Variants in ATP7A observed in about 807,000 individuals in gnomAD.
The protein encoded by ATP7A is copper-transporting ATPase 1.
A neutral mutation model predicts 83.5 loss-of-function variants in ATP7A; 7 were observed. That is an observed-to-expected ratio of 0.08 (90% CI 0.05 to 0.16). The LOEUF (loss-of-function observed/expected upper bound fraction) is 0.16. Among genes scored for constraint, ATP7A ranks in the 10% least tolerant of loss-of-function variants. ATP7A has a pLI of 1.00. For missense variants in ATP7A, 940 were observed against 1,120.8 expected (o/e 0.84, Z 2.30); for synonymous variants, 354 against 395.2 (o/e 0.90, Z 1.24).
chrX:77,966,915 C>A, intron 1 of ATP7A: 2 of 300,686 alleles, frequency 6.7e-6, no homozygotes, highest in South Asian at 3.0e-5. Flanking sequence ...CCCTCACCCC[C>A]CAGCAGGCTC....
rs1557238672 is a variant in ATP7A, at chrX:78,043,322, T to C, written c.4011T>C (p.Asp1337=). The C allele has an allele frequency of 1.7e-6, 2 of 1,182,200 alleles. No individual in the cohort carries two copies. Among genetic ancestry groups the C allele is most frequent in the Non-Finnish European group, 2.3e-6 (2 of 869,924 alleles). Residue 1337 remains aspartate (D), a synonymous_variant, in exon 21 of 23, where the codon GAT becomes GAC. Coordinates refer to ENST00000341514, the MANE Select transcript of ATP7A (RefSeq NM_000052.7). ...EAADVVLIRN[D]LLDVVASIDL... ...ACAAATATTTCTGTTCTTAGAATGA[T>C]CTTCTGGATGTAGTGGCAAGTATTG...
intron 1 of ATP7A, chrX:77,969,527 C>T (rs782767287): frequency 1.8e-5 from 22 of 1,211,374 alleles, no homozygotes; most frequent in Non-Finnish European, 2.5e-5. Context: ...CCGCGCTTCG[C>T]CTCCTCGTGG....
chrX:77,918,182 T>C (rs1362680256), intron 1 of ATP7A, among the ~76,000 whole-genome samples: 5 of 108,953 alleles, frequency 4.6e-5, no homozygotes, highest in African/African-American at 1.3e-4. Flanking sequence ...TCCTCCTACT[T>C]CAGCATTCCA....
At chrX:77,976,725 A>G (rs2077578520) in intron 2 of ATP7A, among the ~76,000 whole-genome samples, 1 of 112,517 alleles carries the variant, frequency 8.9e-6, no homozygotes, top group Admixed American at 9.5e-5. Flanking sequence ...TGTTGACTCT[A>G]CACTCTGATT....
chrX:77,925,506 T>C (rs1354692942), intron 1 of ATP7A, among the ~76,000 whole-genome samples: 2 of 111,391 alleles, frequency 1.8e-5, no homozygotes, highest in Non-Finnish European at 3.8e-5. Context: ...ACTTCATCTC[T>C]GTGGGAGTCA....
intron 1 of ATP7A, among the ~76,000 whole-genome samples, chrX:77,960,341 C>T (rs2077468069): frequency 8.9e-6 from 1 of 112,408 alleles, no homozygotes; most frequent in South Asian, 3.6e-4. Context: ...GAGACTGCTC[C>T]ACTGCACTCC....
chrX:78,041,791 A>G (rs1367026934), intron 19 of ATP7A, among the ~76,000 whole-genome samples: 1 of 110,911 alleles, frequency 9.0e-6, no homozygotes, highest in Non-Finnish European at 1.9e-5. Context: ...TTTACGTAAC[A>G]GTATACTTTG....
intron 1 of ATP7A, among the ~76,000 whole-genome samples, chrX:77,949,087 C>A (rs2149059522): frequency 9.0e-6 from 1 of 110,773 alleles, no homozygotes; most frequent in African/African-American, 3.3e-5. Context: ...AGACAGGGTT[C>A]ACCGTGTTGC....
chrX:77,931,116 A>C (rs1309437396), intron 1 of ATP7A, among the ~76,000 whole-genome samples: 3 of 106,893 alleles, frequency 2.8e-5, no homozygotes, highest in Non-Finnish European at 5.8e-5. Context: ...GCAGATAAGC[A>C]AGTGAACAAA....
rs781792669 is a variant in ATP7A, at chrX:78,046,381, T to C, written c.4314T>C (p.Val1438=). The C allele has an allele frequency of 8.3e-7, 1 of 1,209,513 alleles. No individual in the cohort carries two copies. Residue 1438 remains valine (V), a synonymous_variant, in exon 23 of 23, where the codon GTT becomes GTC. Coordinates refer to ENST00000341514, the MANE Select transcript of ATP7A (RefSeq NM_000052.7). ...QKSPSEISVH[V]GIDDTSRNSP... ...GTCCTTCAGAAATCAGCGTTCATGTTGGAATAGATGATACCTCAAGGAATT... is the reference window on the plus strand; with the variant it reads ...GTCCTTCAGAAATCAGCGTTCATGTCGGAATAGATGATACCTCAAGGAATT...
At chrX:78,011,291 C>T (rs1557234433) in intron 8 of ATP7A, 39 bp downstream of exon 8, 2 of 1,156,944 alleles carry the variant, frequency 1.7e-6, no homozygotes, top group Non-Finnish European at 2.4e-6. Context: ...CAGATTTTGA[C>T]TCCTTATTAC....
chrX:77,976,199 A>T (rs2077576134), intron 2 of ATP7A, among the ~76,000 whole-genome samples: 1 of 112,236 alleles, frequency 8.9e-6, no homozygotes, highest in South Asian at 3.7e-4. Context: ...GACAAGATGG[A>T]TTCTTTCTAA....
chrX:78,008,811 G>A (rs782500595), intron 6 of ATP7A, among the ~76,000 whole-genome samples: 3 of 109,595 alleles, frequency 2.7e-5, no homozygotes, highest in South Asian at 4.0e-4. Flanking sequence ...TCAGGAGTTC[G>A]AGACCAGCCT....
intron 17 of ATP7A, among the ~76,000 whole-genome samples, chrX:78,037,643 T>G (rs1258777213): frequency 9.0e-6 from 1 of 111,621 alleles, no homozygotes; most frequent in Non-Finnish European, 1.9e-5. Flanking sequence ...AATTAGGAGG[T>G]AACCCCTAAG....
chrX:77,996,744 C>T (rs1264186475), intron 4 of ATP7A, among the ~76,000 whole-genome samples: 3 of 108,855 alleles, frequency 2.8e-5, no homozygotes, highest in African/African-American at 6.7e-5. Context: ...AACGAAATTG[C>T]TCTGGAACAA....
At chrX:77,986,183 C>A (rs782361031) in intron 2 of ATP7A, among the ~76,000 whole-genome samples, 17 of 111,608 alleles carry the variant, frequency 1.5e-4, no homozygotes, top group African/African-American at 5.2e-4. Flanking sequence ...CCCTAAGAAC[C>A]AGCTAGCCAA....
intron 7 of ATP7A, among the ~76,000 whole-genome samples, chrX:78,010,868 C>T (rs1206788263): frequency 9.0e-6 from 1 of 110,554 alleles, no homozygotes; most frequent in Admixed American, 9.7e-5. Context: ...CATGAGCCAC[C>T]GTGCCCGGCC....
Position 77,921,122 on chromosome X carries a change from C to T in ATP7A, c.-22+10287C>T, listed in dbSNP as rs149076851. On this transcript the variant is annotated intron_variant, in intron 1 of 22. Coordinates refer to ENST00000341514, the MANE Select transcript of ATP7A (RefSeq NM_000052.7). ...ACGTTTTAACTGGTCCTCCTAACTCCAGGCTTTGCCCTATCAAATTTGTCC... is the reference window on the plus strand; with the variant it reads ...ACGTTTTAACTGGTCCTCCTAACTCTAGGCTTTGCCCTATCAAATTTGTCC... 7.2e-3 allele frequency among the ~76,000 whole-genome samples: 809 copies of T among 111,779 alleles called. 6 individuals carry two copies. Among genetic ancestry groups the T allele is most frequent in the Non-Finnish European group, 0.012 (641 of 53,170 alleles).
chrX:77,916,646 A>G (rs1438602985), intron 1 of ATP7A, among the ~76,000 whole-genome samples: 1 of 111,511 alleles, frequency 9.0e-6, no homozygotes, highest in Non-Finnish European at 1.9e-5. Flanking sequence ...GTTGTGATAC[A>G]GTGTAAGCAA....
Sources: allele counts gnomAD v4.1 joint callset (sites outside exome capture counted in the v4.1 genomes callset), GRCh38; gene constraint gnomAD v4.1.1; transcripts MANE v1.5; gene names NCBI Gene and HGNC (gene_info 2026-07-23, HGNC 2026-07-21).